CCDC186: variants seen among roughly 807,000 people sequenced by gnomAD.
CCDC186 encodes coiled-coil domain-containing protein 186.
A neutral mutation model predicts 113.7 loss-of-function variants in CCDC186; 49 were observed. The ratio of observed to expected loss-of-function variants is 0.43; its 90% CI spans 0.34 to 0.55. The LOEUF (loss-of-function observed/expected upper bound fraction) is 0.55. Ranked by LOEUF, CCDC186 falls within the 20% of genes least tolerant of loss-of-function variation. CCDC186 has a pLI of 0.02. For synonymous variants in CCDC186, 355 were observed against 345.8 expected (o/e 1.03, Z -0.30); for missense variants, 890 against 1,011.1 (o/e 0.88, Z 1.62).
chr10:114,143,535 C>T (rs2031543338), intron 6 of CCDC186, among the ~76,000 whole-genome samples: 1 of 152,210 alleles, frequency 6.6e-6, no homozygotes, highest in South Asian at 2.1e-4. Context: ...TCTTTCTCTG[C>T]CTTGGCAGTT....
In CCDC186 at chr10:114,141,628, AAC is replaced by A. The variant is rs371261366; in HGVS notation, c.1221+2867_1221+2868del. The stretch of plus-strand genomic sequence containing the variant: ...CCCCTCCTCTGTAGTTTCCTCTCTT[AAC>A]ACACACACACACACGCACGCACACA... On this transcript the variant is annotated intron_variant, in intron 6 of 15. Transcript: ENST00000369287. Among the ~76,000 whole-genome samples the A allele has an allele frequency of 2.6e-4, 39 of 150,342 alleles. No homozygotes were observed. In the East Asian group the frequency reaches 4.7e-3, roughly 18 times the overall value.
At chr10:114,148,688 C>T (rs555329555) in intron 4 of CCDC186, among the ~76,000 whole-genome samples, 1 of 152,150 alleles carries the variant, frequency 6.6e-6, no homozygotes, top group Non-Finnish European at 1.5e-5. Context: ...AAGTAGAAAT[C>T]CAGAATGGTA....
chr10:114,165,406 C>T (rs1399287191), intron 1 of CCDC186, among the ~76,000 whole-genome samples: 1 of 152,188 alleles, frequency 6.6e-6, no homozygotes, highest in Non-Finnish European at 1.5e-5. Flanking sequence ...TAAGATATAA[C>T]TTGTGGGCTG....
At chr10:114,162,469 C>T (rs2032200458) in intron 2 of CCDC186, 168 bp downstream of exon 2, 4 of 527,072 alleles carry the variant, frequency 7.6e-6, no homozygotes, top group Non-Finnish European at 1.3e-5. Context: ...AAAAACTCGA[C>T]ATTTGCTCAC....
chr10:114,159,242 A>AACT (rs1293924050), intron 2 of CCDC186, among the ~76,000 whole-genome samples: 3 of 152,222 alleles, frequency 2.0e-5, no homozygotes, highest in Non-Finnish European at 4.4e-5. Flanking sequence ...TGCTACAGAA[A>AACT]ACTACTTGAG....
intron 13 of CCDC186, among the ~76,000 whole-genome samples, chr10:114,128,298 C>G (rs1252651958): frequency 6.6e-6 from 1 of 152,046 alleles, no homozygotes; most frequent in East Asian, 1.9e-4. Context: ...TCCTCTTTAC[C>G]CTACAAAGAT....
chr10:114,132,241 A>C, intron 10 of CCDC186, 57 bp from the exon 11 acceptor site: 1 of 1,269,692 alleles, frequency 7.9e-7, no homozygotes, highest in Non-Finnish European at 1.1e-6. Flanking sequence ...CATTAAATTA[A>C]TGGTTTGGGA....
intron 1 of CCDC186, among the ~76,000 whole-genome samples, chr10:114,172,816 T>G (rs2032541822): frequency 6.6e-6 from 1 of 152,192 alleles, no homozygotes; most frequent in African/African-American, 2.4e-5. Flanking sequence ...GGATAAAGAA[T>G]TGAAGTTACA....
chr10:114,154,089 T>C (rs2031936772), intron 3 of CCDC186, among the ~76,000 whole-genome samples: 1 of 151,474 alleles, frequency 6.6e-6, no homozygotes, highest in African/African-American at 2.4e-5. Context: ...TGCACGCCTG[T>C]AGTAGCAGCT....
intron 6 of CCDC186, among the ~76,000 whole-genome samples, chr10:114,139,872 G>A (rs2031411376): frequency 6.6e-6 from 1 of 152,178 alleles, no homozygotes; most frequent in South Asian, 2.1e-4. Context: ...CTGGCACATA[G>A]TAAGCACTTC....
intron 4 of CCDC186, among the ~76,000 whole-genome samples, chr10:114,147,885 TTGGGAGACTGA>T (rs147435036): frequency 0.011 from 1,652 of 152,230 alleles, 19 homozygotes; most frequent in African/African-American, 0.038. Context: ...TCCCAGCACT[TTGGGAGACTGA>T]GGTGAGCAGA....
intron 6 of CCDC186, 24 bp from the exon 7 acceptor site, chr10:114,137,314 A>G: frequency 6.5e-7 from 1 of 1,548,444 alleles, no homozygotes; most frequent in Admixed American, 1.7e-5. Context: ...AGACAGAGAC[A>G]CAGTTGGGTA....
chr10:114,158,202 A>G (rs1414155428), intron 2 of CCDC186, among the ~76,000 whole-genome samples: 1 of 152,270 alleles, frequency 6.6e-6, no homozygotes, highest in Non-Finnish European at 1.5e-5. Flanking sequence ...CGATACTGCT[A>G]AAGTTGAAAA....
chr10:114,127,040 G>GAT (rs556975925), intron 14 of CCDC186, among the ~76,000 whole-genome samples: 105 of 151,958 alleles, frequency 6.9e-4, no homozygotes, highest in Middle Eastern at 3.4e-3. Flanking sequence ...CAATCAATGA[G>GAT]ATACCGCCAA....
Position 114,135,936 on chromosome 10 carries a change from T to G in CCDC186, c.1467A>C (p.Arg489Ser). ...AKIKELEDLK[R>S]TFKEGMDELR... ...ACTCATCCATACCCTCCTTAAATGTTCTCTTCAGATCTTCTAGTTCCTTTA... is the reference window on the plus strand; with the variant it reads ...ACTCATCCATACCCTCCTTAAATGTGCTCTTCAGATCTTCTAGTTCCTTTA... The change falls in exon 9 of 16, where the codon AGA (arginine) becomes AGC (serine). Residue 489 changes from arginine to serine, a missense_variant. Coordinates refer to ENST00000369287, the MANE Select transcript of CCDC186 (RefSeq NM_018017.4). 1.9e-6 allele frequency: 3 copies of G among 1,613,346 alleles called. No homozygotes were observed. Among genetic ancestry groups the G allele is most frequent in the Non-Finnish European group, 2.5e-6 (3 of 1,179,630 alleles).
At chr10:114,144,095 A>G (rs1347547031) in intron 6 of CCDC186, among the ~76,000 whole-genome samples, 1 of 151,980 alleles carries the variant, frequency 6.6e-6, no homozygotes, top group East Asian at 1.9e-4. Context: ...AGCATCATTG[A>G]TTTTTTAAAA....
At chr10:114,139,638 T>C (rs1040623957) in intron 6 of CCDC186, among the ~76,000 whole-genome samples, 5 of 151,972 alleles carry the variant, frequency 3.3e-5, no homozygotes, top group Non-Finnish European at 7.4e-5. Flanking sequence ...AAATCTACCA[T>C]GTAAGTACTG....
chr10:114,152,664 G>C (rs946043025), intron 3 of CCDC186, among the ~76,000 whole-genome samples: 3 of 152,160 alleles, frequency 2.0e-5, no homozygotes, highest in Non-Finnish European at 2.9e-5. Flanking sequence ...AATATTAAAT[G>C]AAAGTGGATT....
At chr10:114,153,170 C>T (rs1027308064) in intron 3 of CCDC186, among the ~76,000 whole-genome samples, 2 of 152,148 alleles carry the variant, frequency 1.3e-5, no homozygotes, top group African/African-American at 4.8e-5. Flanking sequence ...ACGTTTTCAT[C>T]TAGTGCACAT....
Sources: allele counts gnomAD v4.1 joint callset (sites outside exome capture counted in the v4.1 genomes callset), GRCh38; gene constraint gnomAD v4.1.1; transcripts MANE v1.5; gene names NCBI Gene and HGNC (gene_info 2026-07-23, HGNC 2026-07-21).